EYA1: variants seen among roughly 807,000 people sequenced by gnomAD.
The protein encoded by EYA1 is EYA transcriptional coactivator and phosphatase 1.
In EYA1, 16 loss-of-function variants were observed where a neutral mutation model predicts 82.0. The ratio of observed to expected loss-of-function variants is 0.20; its 90% CI spans 0.13 to 0.30. The LOEUF is 0.30. EYA1 is among the 10% of genes least tolerant of loss of function. The probability of loss-of-function intolerance (pLI) is 1.00; values close to 1 mark genes in which losing one functional copy is unlikely to be tolerated. For synonymous variants in EYA1, 261 were observed against 264.4 expected (o/e 0.99, Z 0.12); for missense variants, 633 against 730.7 (o/e 0.87, Z 1.54).
chr8:71,434,275 A>G (rs151088573), intron 2 of EYA1, among the ~76,000 whole-genome samples: 1 of 152,310 alleles, frequency 6.6e-6, no homozygotes, highest in African/African-American at 2.4e-5. Context: ...CCAGCATACA[A>G]TTTCACACAT....
At chr8:71,481,653 T>C (rs1810172603) in intron 2 of EYA1, among the ~76,000 whole-genome samples, 1 of 152,196 alleles carries the variant, frequency 6.6e-6, no homozygotes, top group Non-Finnish European at 1.5e-5. Flanking sequence ...AATATGCAGC[T>C]GTAAAGCAAG....
At chr8:71,238,177 T>C (rs1422648856) in intron 12 of EYA1, among the ~76,000 whole-genome samples, 2 of 152,200 alleles carry the variant, frequency 1.3e-5, no homozygotes, top group Admixed American at 1.3e-4. Context: ...GAATAATCTA[T>C]TACTTCACTA....
At chr8:71,518,282 A>C (rs994400792) in intron 2 of EYA1, among the ~76,000 whole-genome samples, 12 of 152,232 alleles carry the variant, frequency 7.9e-5, no homozygotes, top group Admixed American at 6.5e-4. Flanking sequence ...ATCTTGACTC[A>C]CCTTCCCTCC....
Position 71,479,623 on chromosome 8 carries a change from G to GA in EYA1, c.33+56120dup, listed in dbSNP as rs34377404. The stretch of plus-strand genomic sequence containing the variant: ...AATACCTTTAGAACACTTTCTTTAT[G>GA]AAAAAAAAAAAAAAAAAAAAGCCTC... On this transcript the variant is annotated intron_variant, in intron 2 of 18. Coordinates refer to the EYA1 transcript ENST00000643681. Among the ~76,000 whole-genome samples, 624 of 100,152 alleles carry GA rather than the reference G, an allele frequency of 6.2e-3. 7 individuals carry two copies. Among genetic ancestry groups the GA allele is most frequent in the East Asian group, 0.045 (142 of 3,134 alleles). The allele number at this position is 100,152 out of a possible 152,430, so 65.7% of individuals were successfully genotyped here.
chr8:71,393,638 T>C (rs546673889), intron 2 of EYA1, among the ~76,000 whole-genome samples: 3 of 152,354 alleles, frequency 2.0e-5, no homozygotes, highest in East Asian at 1.9e-4. Flanking sequence ...CCCATTTTTA[T>C]GGCTGCATAG....
chr8:71,274,921 A>AGAATGAGAGCGAGT (rs1816964219), intron 9 of EYA1, among the ~76,000 whole-genome samples: 1 of 97,982 alleles, frequency 1.0e-5, no homozygotes, highest in Non-Finnish European at 2.1e-5. Context: ...CGAGAGAGAG[A>AGAATGAGAGCGAGT]GAATGAGAGC....
At chr8:71,493,572 C>T (rs1311909834) in intron 2 of EYA1, among the ~76,000 whole-genome samples, 2 of 152,102 alleles carry the variant, frequency 1.3e-5, no homozygotes, top group Non-Finnish European at 2.9e-5. Flanking sequence ...CTGAAAGTCT[C>T]CTTATTCAAT....
chr8:71,410,254 A>T (rs1026098108), intron 2 of EYA1, among the ~76,000 whole-genome samples: 27 of 125,764 alleles, frequency 2.1e-4, no homozygotes, highest in Admixed American at 6.6e-4. Flanking sequence ...TATCTATGAC[A>T]AACCCACAGC....
intron 2 of EYA1, among the ~76,000 whole-genome samples, chr8:71,522,051 T>C (rs1040605300): frequency 2.0e-5 from 3 of 152,166 alleles, no homozygotes; most frequent in Admixed American, 6.5e-5. Flanking sequence ...ATGGGGCTCA[T>C]AGAGGGCTTG....
chr8:71,453,941 G>A (rs1298721697), intron 2 of EYA1, among the ~76,000 whole-genome samples: 1 of 152,146 alleles, frequency 6.6e-6, no homozygotes, highest in Non-Finnish European at 1.5e-5. Flanking sequence ...AAATGTAGAT[G>A]GGCTAAATGC....
At chr8:71,241,278 CTAAG>C (rs1027087841) in intron 12 of EYA1, among the ~76,000 whole-genome samples, 3 of 152,004 alleles carry the variant, frequency 2.0e-5, no homozygotes, top group African/African-American at 7.3e-5. Context: ...AAAAAAGTCA[CTAAG>C]TGAGATTACA....
At chr8:71,493,274 A>G (rs1371198199) in intron 2 of EYA1, among the ~76,000 whole-genome samples, 1 of 152,212 alleles carries the variant, frequency 6.6e-6, no homozygotes, top group African/African-American at 2.4e-5. Flanking sequence ...TTTAGTAATA[A>G]GGCAAGATAT....
chr8:71,535,415 A>G (rs1333094692), intron 2 of EYA1, among the ~76,000 whole-genome samples: 1 of 152,228 alleles, frequency 6.6e-6, no homozygotes, highest in Non-Finnish European at 1.5e-5. Context: ...TTTAAGTTTT[A>G]AGAGGCAAAT....
At chr8:71,215,309 G>A (rs1809042554) in intron 16 of EYA1, 78 bp downstream of exon 16, 1 of 1,433,184 alleles carries the variant, frequency 7.0e-7, no homozygotes, top group Non-Finnish European at 9.8e-7. Flanking sequence ...TGGAAAAAAA[G>A]TTTCATTTAT....
chr8:71,434,742 G>T (rs1010743208), intron 2 of EYA1, among the ~76,000 whole-genome samples: 3 of 152,038 alleles, frequency 2.0e-5, no homozygotes, highest in Non-Finnish European at 2.9e-5. Flanking sequence ...TGATTCAAAA[G>T]GTTTTTATTG....
At chr8:71,401,280 G>C (rs1829943779) in intron 2 of EYA1, among the ~76,000 whole-genome samples, 1 of 152,108 alleles carries the variant, frequency 6.6e-6, no homozygotes, top group Non-Finnish European at 1.5e-5. Context: ...ATGTATCCCA[G>C]AACTTAAAAT....
chr8:71,232,496 CTA>C (rs1811316830), intron 12 of EYA1, among the ~76,000 whole-genome samples: 2 of 152,312 alleles, frequency 1.3e-5, no homozygotes, highest in East Asian at 3.9e-4. Context: ...TCCTCATTTT[CTA>C]TGAGGGACAG....
At chr8:71,452,555 C>G (rs1265889074) in intron 2 of EYA1, among the ~76,000 whole-genome samples, 1 of 152,148 alleles carries the variant, frequency 6.6e-6, no homozygotes, top group East Asian at 1.9e-4. Flanking sequence ...CGACTGGGTA[C>G]CCCTCTGAGA....
intron 2 of EYA1, among the ~76,000 whole-genome samples, chr8:71,416,031 C>T (rs971227813): frequency 5.3e-5 from 8 of 152,276 alleles, no homozygotes; most frequent in Middle Eastern, 3.4e-3. Flanking sequence ...TCTGCTCTTC[C>T]CCTGCTTCCC....
Sources: allele counts gnomAD v4.1 joint callset (sites outside exome capture counted in the v4.1 genomes callset), GRCh38; gene constraint gnomAD v4.1.1; transcripts MANE v1.5; gene names NCBI Gene and HGNC (gene_info 2026-07-23, HGNC 2026-07-21).